Variants in RYR3 observed in about 807,000 individuals in gnomAD.
The protein encoded by RYR3 is brain ryanodine receptor-calcium release channel.
RYR3 carries 207 observed loss-of-function variants against 584.3 expected under a neutral mutation model. The observed-to-expected ratio is 0.35, with a 90% CI of 0.32 to 0.40. The LOEUF is 0.40. Ranked by LOEUF, RYR3 falls within the 10% of genes least tolerant of loss-of-function variation. RYR3 has a pLI of 1.00. For missense variants in RYR3, 5,616 were observed against 6,089.2 expected (o/e 0.92, Z 2.59); for synonymous variants, 2,416 against 2,248.5 (o/e 1.07, Z -2.11).
chr15:33,672,433 G>C (rs768080650), intron 38 of RYR3, among the ~76,000 whole-genome samples: 1 of 152,190 alleles, frequency 6.6e-6, no homozygotes, highest in Non-Finnish European at 1.5e-5. Flanking sequence ...GGAGTTATGA[G>C]AGGTTCACGT....
intron 85 of RYR3, among the ~76,000 whole-genome samples, chr15:33,828,609 T>C (rs187918213): frequency 6.6e-6 from 1 of 152,348 alleles, no homozygotes; most frequent in African/African-American, 2.4e-5. Flanking sequence ...AACATTCTCA[T>C]AAGCCACAAT....
chr15:33,778,972 C>A (rs1596545943), intron 64 of RYR3, among the ~76,000 whole-genome samples: 1 of 152,144 alleles, frequency 6.6e-6, no homozygotes, highest in African/African-American at 2.4e-5. Flanking sequence ...ATTAACTTCC[C>A]CTTATAGTAA....
chr15:33,518,905 C>A (rs1341504466), intron 3 of RYR3, among the ~76,000 whole-genome samples: 8 of 152,186 alleles, frequency 5.3e-5, no homozygotes, highest in Non-Finnish European at 1.2e-4. Flanking sequence ...TCTAAGAATG[C>A]AGAATGAATG....
At position 33,584,500 on chromosome 15, in the gene RYR3, G is replaced by A. The variant is rs763807078; in HGVS notation, c.1669+10G>A. 7.8e-7 allele frequency: 1 copy of A among 1,282,626 alleles called. No homozygotes were observed. Among genetic ancestry groups the A allele is most frequent in the Non-Finnish European group, 1.1e-6 (1 of 897,088 alleles). 79.5% of individuals were successfully genotyped at this position (1,282,626 alleles called of 1,614,324 possible). The stretch of plus-strand genomic sequence containing the variant: ...CTAGAATCTTCCTCAGGTGAGAATT[G>A]ACAGGAAACTATAACTAGAAAAGAT... On this transcript the variant is annotated intron_variant, in intron 15 of 103. Transcript: ENST00000634891.
Position 33,319,384 on chromosome 15 carries a change from C to G in RYR3, c.51+8288C>G, listed in dbSNP as rs1968642725. On this transcript the variant is annotated intron_variant, in intron 1 of 103. Coordinates refer to ENST00000634891, the MANE Select transcript of RYR3 (RefSeq NM_001036.6). ...TGGTCTTGGAGTAGCATAAGCCCCTCCTAAGTCCCTTCTCAGTCACCCAGG... is the reference window on the plus strand; with the variant it reads ...TGGTCTTGGAGTAGCATAAGCCCCTGCTAAGTCCCTTCTCAGTCACCCAGG... Among the ~76,000 whole-genome samples, 8 of 152,190 alleles carry G rather than the reference C, an allele frequency of 5.3e-5. No homozygotes were observed. The South Asian group carries it at 1.4e-3, about 28-fold the overall frequency.
chr15:33,675,900 T>C (rs896504981), intron 38 of RYR3, among the ~76,000 whole-genome samples: 5 of 152,102 alleles, frequency 3.3e-5, no homozygotes, highest in Non-Finnish European at 7.3e-5. Flanking sequence ...AACAGGAGCA[T>C]CCATTAGGAT....
At position 33,811,012 on chromosome 15, in the gene RYR3, G is replaced by A. The variant is rs574614510; in HGVS notation, c.10232G>A (p.Arg3411Gln). ...DTDEEVREHL[R>Q]NNLHLQEKSD... is the part of the protein sequence containing the mutation. ...GATGAAGAGGTCAGAGAACATCTGC[G>A]GAACAACTTGCACTTGCAGGAAAAG... The change falls in exon 72 of 104, where the codon CGG (arginine) becomes CAG (glutamine). Residue 3411 changes from arginine to glutamine, a missense_variant. By Grantham distance (43) the Arg-to-Gln change is conservative. This residue lies in a region of RYR3 where 954 missense variants were observed against 1,132.2 expected (regional missense o/e 0.84). Transcript: ENST00000634891. 26 of 1,609,024 alleles carry A rather than the reference G, an allele frequency of 1.6e-5. No individual in the cohort carries two copies. The highest frequency in any genetic ancestry group is 2.2e-5 in the South Asian group (2 of 89,360).
chr15:33,767,819 C>T lies in RYR3; in HGVS notation c.8706-839C>T, dbSNP rs192516479. ...AATGTCAGTTCTGAGCAATCTCTTC[C>T]CAAGAGCCTCAGCAACACAGGTCAA... On this transcript the variant is annotated intron_variant, in intron 60 of 103. Coordinates refer to ENST00000634891, the MANE Select transcript of RYR3 (RefSeq NM_001036.6). Among the ~76,000 whole-genome samples, 21 of 152,300 alleles carry T rather than the reference C, an allele frequency of 1.4e-4. No homozygotes were observed. In the East Asian group the frequency reaches 3.9e-3, roughly 28 times the overall value.
chr15:33,705,877 C>T (rs2066671959), intron 42 of RYR3, among the ~76,000 whole-genome samples: 1 of 152,238 alleles, frequency 6.6e-6, no homozygotes, highest in African/African-American at 2.4e-5. Flanking sequence ...TGAACATGGC[C>T]CGCCCCCAGT....
At chr15:33,812,746 G>C (rs2076617670) in intron 72 of RYR3, 117 bp from the exon 73 acceptor site, 1 of 922,892 alleles carries the variant, frequency 1.1e-6, no homozygotes, top group African/African-American at 1.7e-5. Context: ...AAATGAAAGT[G>C]AAGTGATAAT....
intron 1 of RYR3, among the ~76,000 whole-genome samples, chr15:33,439,720 GAT>G (rs1200500778): frequency 1.3e-5 from 2 of 152,102 alleles, no homozygotes; most frequent in African/African-American, 4.8e-5. Flanking sequence ...AAATCAGAAT[GAT>G]AATATGGATG....
rs1026133932 is a variant in RYR3, at chr15:33,683,642, C to T, written c.5861-12576C>T. ...TCTCACTGGGACTGGTTGAACAGTG[C>T]GTGCAGCCCATGGAGGGTGAGCCAA... On this transcript the variant is annotated intron_variant, in intron 38 of 103. Coordinates refer to ENST00000634891, the MANE Select transcript of RYR3 (RefSeq NM_001036.6). Among the ~76,000 whole-genome samples, 6 of 152,316 alleles carry T rather than the reference C, an allele frequency of 3.9e-5. No individual in the cohort carries two copies. The East Asian group carries it at 5.8e-4, about 15-fold the overall frequency.
At chr15:33,842,128 A>G in intron 91 of RYR3, 93 bp downstream of exon 91, 1 of 1,335,794 alleles carries the variant, frequency 7.5e-7, no homozygotes, top group Admixed American at 2.2e-5. Flanking sequence ...CTGTTTGGTC[A>G]GTTACACTTC....
At chr15:33,704,425 T>G (rs1188873825) in intron 42 of RYR3, among the ~76,000 whole-genome samples, 1 of 152,186 alleles carries the variant, frequency 6.6e-6, no homozygotes, top group East Asian at 1.9e-4. Flanking sequence ...AAGTTGCTCC[T>G]CCAGGCTCTG....
chr15:33,603,482 A>G (rs1337377786), intron 18 of RYR3, 118 bp downstream of exon 18: 2 of 1,089,500 alleles, frequency 1.8e-6, no homozygotes, highest in Admixed American at 4.8e-5. Flanking sequence ...AGTCTCAACT[A>G]ATTAAACGGT....
At chr15:33,437,581 T>C (rs1457564776) in intron 1 of RYR3, among the ~76,000 whole-genome samples, 1 of 152,196 alleles carries the variant, frequency 6.6e-6, no homozygotes, top group Non-Finnish European at 1.5e-5. Context: ...TTGAGTAGTT[T>C]CCACTGTGGA....
At chr15:33,686,074 G>T (rs904090360) in intron 38 of RYR3, among the ~76,000 whole-genome samples, 2 of 151,924 alleles carry the variant, frequency 1.3e-5, no homozygotes, top group Non-Finnish European at 2.9e-5. Context: ...CTAGCAGAAG[G>T]CAAGAAATAA....
intron 1 of RYR3, among the ~76,000 whole-genome samples, chr15:33,424,295 G>C (rs1161773798): frequency 6.6e-6 from 1 of 152,194 alleles, no homozygotes; most frequent in East Asian, 1.9e-4. Context: ...CTATTGTGAA[G>C]ACAAGACAGG....
chr15:33,858,136 G>A, intron 99 of RYR3: 1 of 592,806 alleles, frequency 1.7e-6, no homozygotes, highest in South Asian at 2.3e-5. Flanking sequence ...ACACATCTAA[G>A]CCCCGTGGAA....
Sources: allele counts gnomAD v4.1 joint callset (sites outside exome capture counted in the v4.1 genomes callset), GRCh38; gene constraint gnomAD v4.1.1; regional missense constraint gnomAD v4.1.1; transcripts MANE v1.5; gene names NCBI Gene and HGNC (gene_info 2026-07-23, HGNC 2026-07-21).